The following TPST1 variants were observed in gnomAD, a reference collection of about 807,000 sequenced individuals.
TPST1 encodes protein-tyrosine sulfotransferase 1.
Under a neutral mutation model 34.8 loss-of-function variants are expected in TPST1, and 20 were observed. The ratio of observed to expected loss-of-function variants is 0.57; its 90% CI spans 0.40 to 0.84. TPST1 has a LOEUF of 0.84. Ranked by LOEUF, TPST1 falls within the 40% of genes least tolerant of loss-of-function variation. The pLI is 0.00. For missense variants in TPST1, 353 were observed against 455.5 expected (o/e 0.78, Z 2.05); for synonymous variants, 152 against 159.4 (o/e 0.95, Z 0.35).
At chr7:66,217,301 G>C (rs1220731656) in intron 1 of TPST1, among the ~76,000 whole-genome samples, 1 of 152,092 alleles carries the variant, frequency 6.6e-6, no homozygotes, top group Non-Finnish European at 1.5e-5. Context: ...GCCTCCAACT[G>C]TTATTGTTAA....
intron 1 of TPST1, among the ~76,000 whole-genome samples, chr7:66,214,116 T>C (rs1478035838): frequency 1.3e-5 from 2 of 152,094 alleles, no homozygotes; most frequent in Non-Finnish European, 2.9e-5. Flanking sequence ...CCACAATCAA[T>C]TTTAGAACAT....
rs1790629113 is a variant in TPST1 at position 66,268,175 on chromosome 7, ACTC to A, written c.846-18333_846-18331del. 2.7e-5 allele frequency among the ~76,000 whole-genome samples: 4 copies of A among 150,442 alleles called. No homozygotes were observed. The South Asian group carries it at 8.5e-4, about 32-fold the overall frequency. The stretch of plus-strand genomic sequence containing the variant: ...GCCATGTTGCCCAGGCTGGTCTTGA[ACTC>A]CTGACCTCAAGTGATCCACCCACCT... On this transcript the variant is annotated intron_variant, in intron 2 of 5. Transcript: ENST00000304842.
intron 1 of TPST1, among the ~76,000 whole-genome samples, chr7:66,229,987 G>A (rs940439224): frequency 5.3e-5 from 8 of 152,126 alleles, no homozygotes; most frequent in Non-Finnish European, 1.2e-4. Flanking sequence ...AAGAGATCAA[G>A]AGCATCCTGG....
intron 2 of TPST1, among the ~76,000 whole-genome samples, chr7:66,242,583 C>T: frequency 6.6e-6 from 1 of 152,142 alleles, no homozygotes; most frequent in East Asian, 1.9e-4. Flanking sequence ...TCTGGCTACT[C>T]TGATTGCAGT....
chr7:66,338,395 C>G (rs1157908406), intron 3 of TPST1, among the ~76,000 whole-genome samples: 1 of 152,086 alleles, frequency 6.6e-6, no homozygotes, highest in East Asian at 1.9e-4. Context: ...TAGGGAACAT[C>G]CACACTTTCA....
chr7:66,257,836 C>T (rs957973281), intron 2 of TPST1, among the ~76,000 whole-genome samples: 2 of 152,178 alleles, frequency 1.3e-5, no homozygotes, highest in African/African-American at 4.8e-5. Context: ...TTAAAGAGCC[C>T]TTTGTATGAC....
chr7:66,304,983 T>A (rs988413250), intron 3 of TPST1, among the ~76,000 whole-genome samples: 8 of 152,094 alleles, frequency 5.3e-5, no homozygotes, highest in African/African-American at 1.9e-4. Context: ...AAATTTTTTT[T>A]ATTTTTAACT....
intron 3 of TPST1, among the ~76,000 whole-genome samples, chr7:66,292,957 A>C (rs1304902251): frequency 6.6e-6 from 1 of 152,200 alleles, no homozygotes; most frequent in Non-Finnish European, 1.5e-5. Context: ...CTGTAATCCC[A>C]GCACTTTGGG....
intron 2 of TPST1, among the ~76,000 whole-genome samples, chr7:66,249,876 C>G (rs569620485): frequency 1.3e-5 from 2 of 152,274 alleles, no homozygotes; most frequent in South Asian, 2.1e-4. Flanking sequence ...AGATTTAGTT[C>G]AGGTTTCCTT....
At chr7:66,208,220 C>T (rs1016463122) in intron 1 of TPST1, among the ~76,000 whole-genome samples, 18 of 152,204 alleles carry the variant, frequency 1.2e-4, no homozygotes, top group African/African-American at 4.3e-4. Flanking sequence ...TTCCTGGGCC[C>T]TTTGTGATCC....
rs1791810640 is a variant in TPST1, at chr7:66,324,008, G to GA, written c.1045-28495dup. 2.6e-5 allele frequency among the ~76,000 whole-genome samples: 4 copies of GA among 152,186 alleles called. 1 individual carries two copies. The highest frequency in any genetic ancestry group is 9.7e-5 in the African/African-American group (4 of 41,434). ...ACAACCTAAATGTCCATCTACAGAT[G>GA]AATGGGTAAACAAAATGTGGTAAAG... On this transcript the variant is annotated intron_variant, in intron 3 of 5. Transcript: ENST00000304842.
At chr7:66,294,825 T>C (rs1371522690) in intron 3 of TPST1, among the ~76,000 whole-genome samples, 1 of 152,174 alleles carries the variant, frequency 6.6e-6, no homozygotes, top group African/African-American at 2.4e-5. Context: ...ACGTATATCA[T>C]CTTACCTTTA....
intron 1 of TPST1, 63 bp from the exon 2 acceptor site, chr7:66,240,262 C>T (rs1790000674): frequency 2.4e-6 from 2 of 828,364 alleles, no homozygotes; most frequent in Non-Finnish European, 3.6e-6. Flanking sequence ...GTGGTGATAA[C>T]TGGTGACTGA....
At chr7:66,338,991 T>A (rs570655260) in intron 3 of TPST1, among the ~76,000 whole-genome samples, 1 of 148,120 alleles carries the variant, frequency 6.8e-6, no homozygotes, top group Admixed American at 6.8e-5. Context: ...AAAGAAATAA[T>A]AAAAGAGCAG....
intron 2 of TPST1, among the ~76,000 whole-genome samples, chr7:66,248,509 T>G (rs1790197651): frequency 6.7e-6 from 1 of 149,632 alleles, no homozygotes; most frequent in Non-Finnish European, 1.5e-5. Flanking sequence ...TAGTGTTTTT[T>G]TTTTTTTTTT....
chr7:66,240,231 C>A, intron 1 of TPST1, 94 bp from the exon 2 acceptor site: 1 of 692,938 alleles, frequency 1.4e-6, no homozygotes, highest in Non-Finnish European at 2.3e-6. Context: ...ACTGTTTCAG[C>A]TTCTTTCTAC....
chr7:66,274,289 C>T (rs1297079358), intron 2 of TPST1, among the ~76,000 whole-genome samples: 2 of 150,934 alleles, frequency 1.3e-5, no homozygotes, highest in African/African-American at 2.4e-5. Flanking sequence ...GGCGTGAACC[C>T]GGGAGGTGGA....
chr7:66,350,216 T>C (rs747463039), intron 3 of TPST1, among the ~76,000 whole-genome samples: 3 of 152,192 alleles, frequency 2.0e-5, no homozygotes, highest in Non-Finnish European at 4.4e-5. Flanking sequence ...GGTTTCACCA[T>C]GTTGGCCAGG....
chr7:66,231,955 T>A (rs1273088604), intron 1 of TPST1, among the ~76,000 whole-genome samples: 1 of 152,268 alleles, frequency 6.6e-6, no homozygotes, highest in Non-Finnish European at 1.5e-5. Context: ...TTTATCCATG[T>A]TGTAGCATGT....
Sources: gnomAD v4.1 joint callset for allele counts (sites outside exome capture counted in the v4.1 genomes callset) on GRCh38, gnomAD v4.1.1 for gene constraint, MANE v1.5 for transcripts, NCBI Gene and HGNC (gene_info 2026-07-23, HGNC 2026-07-21) for gene names.